Variants in SAMD4A observed in about 807,000 individuals in gnomAD.
The protein encoded by SAMD4A is protein Smaug homolog 1.
Under a neutral mutation model 81.3 loss-of-function variants are expected in SAMD4A, and 33 were observed. That is an observed-to-expected ratio of 0.41 (90% CI 0.31 to 0.54). The LOEUF is 0.54. Among genes scored for constraint, SAMD4A ranks in the 20% least tolerant of loss-of-function variants. SAMD4A has a pLI of 0.37. For synonymous variants in SAMD4A, 389 were observed against 382.1 expected, an observed-to-expected ratio of 1.02 and a Z score of -0.21; for missense variants, 854 against 951.1, an observed-to-expected ratio of 0.90 and a Z score of 1.34.
chr14:54,744,280 G>A (rs2037914131), intron 4 of SAMD4A, among the ~76,000 whole-genome samples: 1 of 152,112 alleles, frequency 6.6e-6, no homozygotes, highest in South Asian at 2.1e-4. Context: ...TGTGGGTCGG[G>A]TGCTGCATGG....
chr14:54,737,313 G>A (rs969899513), intron 4 of SAMD4A, 26 bp downstream of exon 4: 12 of 1,612,082 alleles, frequency 7.4e-6, no homozygotes, highest in Non-Finnish European at 1.0e-5. Context: ...AGAAACCACT[G>A]GGGAAAGAGC....
intron 3 of SAMD4A, among the ~76,000 whole-genome samples, chr14:54,716,318 A>T (rs2037116505): frequency 6.6e-6 from 1 of 152,206 alleles, no homozygotes; most frequent in African/African-American, 2.4e-5. Flanking sequence ...ATCGATAGGT[A>T]GAGCACCCAA....
chr14:54,617,153 A>C (rs532908833), intron 2 of SAMD4A, among the ~76,000 whole-genome samples: 3 of 152,330 alleles, frequency 2.0e-5, no homozygotes, highest in African/African-American at 7.2e-5. Flanking sequence ...ATTCTTTACA[A>C]TTCTATGAGA....
chr14:54,678,701 A>G (rs918091306), intron 2 of SAMD4A, among the ~76,000 whole-genome samples: 2 of 151,974 alleles, frequency 1.3e-5, no homozygotes, highest in East Asian at 3.9e-4. Context: ...GGCGCCCGCC[A>G]TCGCTTCCGG....
At chr14:54,605,003 T>C (rs958684323) in intron 2 of SAMD4A, among the ~76,000 whole-genome samples, 3 of 152,242 alleles carry the variant, frequency 2.0e-5, no homozygotes, top group African/African-American at 7.2e-5. Context: ...TTTTACCTTA[T>C]GCTCAAACTC....
intron 2 of SAMD4A, among the ~76,000 whole-genome samples, chr14:54,574,131 A>G (rs1277530826): frequency 6.6e-6 from 1 of 152,246 alleles, no homozygotes; most frequent in African/African-American, 2.4e-5. Flanking sequence ...ACCCCAGCAG[A>G]GAGCCCAGGG....
chr14:54,702,614 G>C (rs2036748130), intron 3 of SAMD4A, 34 bp downstream of exon 3: 1 of 1,605,044 alleles, frequency 6.2e-7, no homozygotes. Flanking sequence ...ACGTAGTCTG[G>C]TTTGGCGATT....
intron 8 of SAMD4A, among the ~76,000 whole-genome samples, chr14:54,766,216 C>T (rs926467359): frequency 6.6e-6 from 1 of 152,096 alleles, no homozygotes; most frequent in East Asian, 1.9e-4. Context: ...TTTTCTATTT[C>T]GAATCCTGAC....
At chr14:54,782,229 CTTTA>C (rs2039015706) in intron 11 of SAMD4A, among the ~76,000 whole-genome samples, 1 of 152,130 alleles carries the variant, frequency 6.6e-6, no homozygotes, top group African/African-American at 2.4e-5. Context: ...TGTCGAGCAT[CTTTA>C]TTTATCCAAA....
At chr14:54,626,777 A>C (rs1054369779) in intron 2 of SAMD4A, among the ~76,000 whole-genome samples, 1 of 152,224 alleles carries the variant, frequency 6.6e-6, no homozygotes, top group African/African-American at 2.4e-5. Context: ...ATAGCAATAC[A>C]TTCACTGAAA....
intron 11 of SAMD4A, chr14:54,784,287 GGAGGCACA>G (rs1566639585): frequency 2.9e-6 from 4 of 1,393,630 alleles, no homozygotes; most frequent in Non-Finnish European, 4.0e-6. Flanking sequence ...TCTGAGCAGA[GGAGGCACA>G]GACTGTGACA....
At chr14:54,679,450 G>C (rs1331644221) in intron 2 of SAMD4A, among the ~76,000 whole-genome samples, 1 of 152,210 alleles carries the variant, frequency 6.6e-6, no homozygotes, top group East Asian at 1.9e-4. Context: ...CCAAGAACGT[G>C]TAAGCATGTT....
chr14:54,737,084 T>C lies in SAMD4A; in HGVS notation c.776T>C (p.Met259Thr), dbSNP rs145833532. The C allele has an allele frequency of 6.0e-5, 97 of 1,614,074 alleles. No individual in the cohort carries two copies. The African/African-American group carries it at 1.2e-3, about 20-fold the overall frequency. ...LKRSVSLTPPMNVPNQPLGHG... is the reference protein window; with the variant it reads ...LKRSVSLTPPTNVPNQPLGHG... ...CGATCTGTGTCCCTTACCCCACCCA[T>C]GAATGTGCCAAACCAGCCTCTAGGA... Residue 259 changes from methionine (M) to threonine (T), a missense_variant, in exon 4 of 13, where the codon ATG (methionine) becomes ACG (threonine). Met to Thr is a moderately conservative substitution (Grantham distance 81). Coordinates refer to ENST00000554335, the MANE Select transcript of SAMD4A (RefSeq NM_015589.6).
intron 11 of SAMD4A, among the ~76,000 whole-genome samples, chr14:54,781,878 G>A (rs1351185364): frequency 2.0e-5 from 3 of 152,206 alleles, no homozygotes; most frequent in Non-Finnish European, 4.4e-5. Flanking sequence ...GCGGCGAGAT[G>A]GCATGGATCT....
At position 54,702,318 on chromosome 14, in the gene SAMD4A, G is replaced by A; in HGVS notation, c.453G>A (p.Glu151=). The A allele has an allele frequency of 6.2e-7, 1 of 1,613,504 alleles. No individual in the cohort carries two copies. Among genetic ancestry groups the A allele is most frequent in the Non-Finnish European group, 8.5e-7 (1 of 1,179,590 alleles). ...TAGCCATGTGGCTGAATCACTTGGA[G>A]GACCGCACGTCGACCAGCTTTGGTG... ...SALAMWLNHL[E]DRTSTSFGGQ... Residue 151 remains glutamate (E), a synonymous_variant, in exon 3 of 13, where the codon GAG becomes GAA. Coordinates refer to ENST00000554335, the MANE Select transcript of SAMD4A (RefSeq NM_015589.6).
intron 2 of SAMD4A, among the ~76,000 whole-genome samples, chr14:54,602,372 AC>A: frequency 7.1e-6 from 1 of 141,396 alleles, no homozygotes; most frequent in South Asian, 2.3e-4. Flanking sequence ...ACACACACAC[AC>A]ACGAAACACC....
chr14:54,766,479 C>T (rs924949645), intron 8 of SAMD4A, among the ~76,000 whole-genome samples: 6 of 152,128 alleles, frequency 3.9e-5, no homozygotes, highest in Non-Finnish European at 7.3e-5. Context: ...GCAGCAGCAG[C>T]GGGCACCAAA....
chr14:54,604,035 G>A (rs1480133429), intron 2 of SAMD4A, among the ~76,000 whole-genome samples: 1 of 152,120 alleles, frequency 6.6e-6, no homozygotes, highest in Non-Finnish European at 1.5e-5. Context: ...ACGTTGGCCA[G>A]GATGGTCTTG....
intron 2 of SAMD4A, among the ~76,000 whole-genome samples, chr14:54,692,490 A>G (rs2036466271): frequency 1.3e-5 from 2 of 152,278 alleles, no homozygotes; most frequent in South Asian, 2.1e-4. Context: ...TGGGACTCTC[A>G]TGTCTAGAGC....
Sources: gnomAD v4.1 joint callset for allele counts (sites outside exome capture counted in the v4.1 genomes callset) on GRCh38, gnomAD v4.1.1 for gene constraint, MANE v1.5 for transcripts, NCBI Gene and HGNC (gene_info 2026-07-23, HGNC 2026-07-21) for gene names.